The following TRIP12 variants were observed in gnomAD, a reference collection of about 807,000 sequenced individuals.
TRIP12 encodes the protein thyroid hormone receptor interactor 12, also known as E3 ubiquitin-protein ligase TRIP12.
TRIP12 carries 25 observed loss-of-function variants against 244.2 expected under a neutral mutation model. The ratio of observed to expected loss-of-function variants is 0.10; its 90% CI spans 0.07 to 0.14. TRIP12 has a LOEUF of 0.14. Ranked by LOEUF, TRIP12 falls within the 10% of genes least tolerant of loss-of-function variation. TRIP12 has a pLI of 1.00. For missense variants in TRIP12, 1,677 were observed against 2,486.4 expected, an observed-to-expected ratio of 0.67 and a Z score of 6.92; for synonymous variants, 905 against 873.1, an observed-to-expected ratio of 1.04 and a Z score of -0.64.
At chr2:229,822,161 CAAAA>C (rs2050240535) in intron 8 of TRIP12, among the ~76,000 whole-genome samples, 2 of 151,816 alleles carry the variant, frequency 1.3e-5, no homozygotes, top group Non-Finnish European at 2.9e-5. Flanking sequence ...AACAAACAAA[CAAAA>C]AACTGATAGA....
intron 8 of TRIP12, among the ~76,000 whole-genome samples, chr2:229,827,826 T>TA (rs761097435): frequency 5.3e-5 from 8 of 152,188 alleles, no homozygotes; most frequent in Non-Finnish European, 1.2e-4. Flanking sequence ...GATTTTTTTT[T>TA]AAGCTCAACA....
chr2:229,844,056 CTG>C (rs2057070170), intron 4 of TRIP12, among the ~76,000 whole-genome samples: 1 of 152,076 alleles, frequency 6.6e-6, no homozygotes, highest in South Asian at 2.1e-4. Flanking sequence ...ATAATTAAAA[CTG>C]TATGTATCCA....
chr2:229,819,940 G>A (rs1443019351), intron 8 of TRIP12, among the ~76,000 whole-genome samples: 1 of 152,108 alleles, frequency 6.6e-6, no homozygotes, highest in African/African-American at 2.4e-5. Flanking sequence ...CATAGCTATC[G>A]CTGCCTACCT....
intron 2 of TRIP12, among the ~76,000 whole-genome samples, chr2:229,861,986 C>T (rs2060549964): frequency 6.6e-6 from 1 of 152,000 alleles, no homozygotes; most frequent in African/African-American, 2.4e-5. Context: ...AGCATATTTT[C>T]TAAAGTTGTA....
chr2:229,913,914 T>A (rs933636384), intron 1 of TRIP12, among the ~76,000 whole-genome samples: 4 of 151,300 alleles, frequency 2.6e-5, no homozygotes, highest in Admixed American at 6.6e-5. Flanking sequence ...AATAGGAGAG[T>A]AAGGAGTAAA....
intron 6 of TRIP12, among the ~76,000 whole-genome samples, chr2:229,834,587 C>A (rs1320065620): frequency 3.3e-5 from 5 of 152,110 alleles, no homozygotes; most frequent in African/African-American, 9.7e-5. Flanking sequence ...TGGTGAAACC[C>A]CTTCTGTACT....
intron 2 of TRIP12, among the ~76,000 whole-genome samples, chr2:229,868,391 C>T (rs1279908925): frequency 7.2e-5 from 11 of 152,048 alleles, no homozygotes; most frequent in Admixed American, 7.2e-4. Context: ...TTAGTAGAGA[C>T]AGGGTTTCGC....
chr2:229,879,858 C>T (rs2064450613), intron 2 of TRIP12, 124 bp downstream of exon 2: 1 of 1,103,156 alleles, frequency 9.1e-7, no homozygotes, highest in Non-Finnish European at 1.3e-6. Context: ...AAGTACCTGG[C>T]TCACAAATCA....
intron 1 of TRIP12, among the ~76,000 whole-genome samples, chr2:229,906,343 G>A (rs149666949): frequency 5.4e-5 from 8 of 149,144 alleles, no homozygotes; most frequent in Non-Finnish European, 1.0e-4. Flanking sequence ...CATGTTTACT[G>A]TTTACTGCAT....
intron 38 of TRIP12, among the ~76,000 whole-genome samples, chr2:229,772,609 G>GGCA (rs1182289439): frequency 2.6e-5 from 4 of 152,198 alleles, no homozygotes; most frequent in African/African-American, 9.6e-5. Flanking sequence ...GACTACAGGC[G>GGCA]TGCACCACCA....
upstream of TRIP12, chr2:229,922,331 A>C: frequency 1.7e-6 from 1 of 602,612 alleles, no homozygotes. Context: ...CGGGACCTGG[A>C]GCTGGAAATT....
At chr2:229,769,802 T>C (rs1163785438) in intron 39 of TRIP12, among the ~76,000 whole-genome samples, 2 of 152,190 alleles carry the variant, frequency 1.3e-5, no homozygotes, top group Non-Finnish European at 2.9e-5. Flanking sequence ...GGTAGGTCTT[T>C]ACACTTTGTA....
intron 34 of TRIP12, among the ~76,000 whole-genome samples, chr2:229,780,609 G>C (rs2037812972): frequency 6.6e-6 from 1 of 152,060 alleles, no homozygotes; most frequent in Non-Finnish European, 1.5e-5. Flanking sequence ...CTATGCTCGA[G>C]CCACACTCAT....
At chr2:229,834,313 GA>G (rs2054197274) in intron 6 of TRIP12, among the ~76,000 whole-genome samples, 1 of 152,120 alleles carries the variant, frequency 6.6e-6, no homozygotes, top group Admixed American at 6.5e-5. Flanking sequence ...CATTTCTTCC[GA>G]AACTATAAAG....
upstream of TRIP12, chr2:229,922,505 C>T: frequency 1.9e-6 from 3 of 1,613,852 alleles, no homozygotes; most frequent in Non-Finnish European, 8.5e-7. Context: ...ACGGCGGTGG[C>T]GTCCCAAGAT....
chr2:229,911,360 T>C (rs550679247), intron 1 of TRIP12, among the ~76,000 whole-genome samples: 4 of 152,332 alleles, frequency 2.6e-5, no homozygotes, highest in East Asian at 1.9e-4. Context: ...CTAAATATCA[T>C]AGCTATCAGA....
intron 15 of TRIP12, among the ~76,000 whole-genome samples, chr2:229,808,623 TTC>T (rs1329238231): frequency 6.6e-6 from 1 of 152,212 alleles, no homozygotes; most frequent in Non-Finnish European, 1.5e-5. Flanking sequence ...TCACAATTCC[TTC>T]TCACCCCTGA....
intron 38 of TRIP12, 132 bp from the exon 39 acceptor site, chr2:229,771,764 A>G (rs2034422574): frequency 1.7e-6 from 1 of 602,140 alleles, no homozygotes; most frequent in African/African-American, 1.9e-5. Context: ...AAGACTTTAA[A>G]ATAATCTGCT....
chr2:229,781,229 A>G (rs1039898269), intron 34 of TRIP12, among the ~76,000 whole-genome samples: 4 of 152,184 alleles, frequency 2.6e-5, no homozygotes, highest in Non-Finnish European at 5.9e-5. Context: ...CTACACCACT[A>G]AAAGTGTAGG....
Sources: gnomAD v4.1 joint callset for allele counts (sites outside exome capture counted in the v4.1 genomes callset) on GRCh38, gnomAD v4.1.1 for gene constraint, MANE v1.5 for transcripts, NCBI Gene and HGNC (gene_info 2026-07-23, HGNC 2026-07-21) for gene names.